Variants in DSG3 observed in about 807,000 individuals in gnomAD.
DSG3 encodes desmoglein 3.
In DSG3, 63 loss-of-function variants were observed where a neutral mutation model predicts 85.9. The observed-to-expected ratio is 0.73, with a 90% CI of 0.60 to 0.90. DSG3 has a LOEUF of 0.90. Among genes scored for constraint, DSG3 ranks in the 40% least tolerant of loss-of-function variants. The pLI is 0.00. For synonymous variants in DSG3, 447 were observed against 441.9 expected (o/e 1.01, Z -0.14); for missense variants, 1,220 against 1,219.9 (o/e 1.00, Z 0.00).
At chr18:31,462,283 G>C (rs1322957637) in intron 8 of DSG3, among the ~76,000 whole-genome samples, 4 of 152,116 alleles carry the variant, frequency 2.6e-5, no homozygotes, top group African/African-American at 4.8e-5. Context: ...TATTGACCAG[G>C]CTGGTCTCGA....
chr18:31,466,045 C>A (rs2072816429), intron 10 of DSG3, among the ~76,000 whole-genome samples: 1 of 151,828 alleles, frequency 6.6e-6, no homozygotes, highest in South Asian at 2.1e-4. Flanking sequence ...CATAATGCCC[C>A]CACAGAGAGA....
At chr18:31,448,614 G>T (rs2072692754) in intron 1 of DSG3, among the ~76,000 whole-genome samples, 1 of 148,110 alleles carries the variant, frequency 6.8e-6, no homozygotes, top group Non-Finnish European at 1.5e-5. Context: ...TTAAAACCTG[G>T]ATGTTACAGA....
intron 4 of DSG3, 24 bp from the exon 5 acceptor site, chr18:31,459,009 T>C (rs2072766694): frequency 6.2e-7 from 1 of 1,611,278 alleles, no homozygotes; most frequent in Admixed American, 1.7e-5. Flanking sequence ...AGAGTAATAC[T>C]CCACATTTTC....
intron 2 of DSG3, 112 bp downstream of exon 2, chr18:31,456,587 A>G: frequency 1.9e-6 from 1 of 517,762 alleles, no homozygotes; most frequent in East Asian, 3.8e-5. Flanking sequence ...CAATAATTTA[A>G]TTGTGAAAAT....
chr18:31,454,923 G>A (rs1384310875), intron 1 of DSG3, among the ~76,000 whole-genome samples: 2 of 151,428 alleles, frequency 1.3e-5, no homozygotes, highest in African/African-American at 4.8e-5. Flanking sequence ...CCTTGAACCC[G>A]GGAGACGAAG....
At position 31,460,890 on chromosome 18, in the gene DSG3, T is replaced by C. The variant is rs2072780142; in HGVS notation, c.742T>C (p.Ser248Pro). The change falls in exon 7 of 16, where the codon TCA (serine) becomes CCA (proline). Residue 248 changes from serine to proline, a missense_variant. Ser to Pro is a moderately conservative substitution (Grantham distance 74). Transcript: ENST00000257189. The stretch of plus-strand genomic sequence containing the variant: ...TGCAGACAAAGATGGAGAAGGACTA[T>C]CAACTCAATGTGAATGTAATATTAA... ...SGADKDGEGL[S>P]TQCECNIKVK... 1 of 1,604,700 alleles carries C rather than the reference T, an allele frequency of 6.2e-7. No individual in the cohort carries two copies. The highest frequency in any genetic ancestry group is 8.5e-7 in the Non-Finnish European group (1 of 1,177,302).
chr18:31,466,764 A>G lies in DSG3; in HGVS notation c.1636+10A>G. 4 of 1,610,414 alleles carry G rather than the reference A, an allele frequency of 2.5e-6. No individual in the cohort carries two copies. Among genetic ancestry groups the G allele is most frequent in the Non-Finnish European group, 3.4e-6 (4 of 1,176,984 alleles). ...ATCACAACCCTCAATGGTGAGTAAC[A>G]GTAAAGTTGCTTCTATAAATGCAAA... On this transcript the variant is annotated intron_variant, in intron 11 of 15. Transcript: ENST00000257189.
Position 31,456,896 on chromosome 18 carries a change from A to G in DSG3, c.85-97A>G, listed in dbSNP as rs1172469298. ...ATACCTAACAGTCTTAGTGATCTTGAAACATAGGGGGTTCCTCAACTAGGT... is the reference window on the plus strand; with the variant it reads ...ATACCTAACAGTCTTAGTGATCTTGGAACATAGGGGGTTCCTCAACTAGGT... On this transcript the variant is annotated intron_variant, in intron 2 of 15. Coordinates refer to ENST00000257189, the MANE Select transcript of DSG3 (RefSeq NM_001944.3). 2.3e-6 allele frequency: 3 copies of G among 1,282,052 alleles called. No homozygotes were observed. In the East Asian group the frequency reaches 7.2e-5, roughly 31 times the overall value. The allele number at this position is 1,282,052 out of a possible 1,614,324, so 79.4% of individuals were successfully genotyped here. A position where few individuals can be genotyped will look rare whatever the true frequency, so the allele number is the denominator to read the frequency against.
intron 4 of DSG3, 129 bp from the exon 5 acceptor site, chr18:31,458,903 AC>A: frequency 8.3e-7 from 1 of 1,207,236 alleles, no homozygotes; most frequent in African/African-American, 1.6e-5. Flanking sequence ...CACTTTGTCT[AC>A]CCTTTGGGGA....
chr18:31,465,772 C>G (rs1209272226), intron 10 of DSG3, among the ~76,000 whole-genome samples: 1 of 152,166 alleles, frequency 6.6e-6, no homozygotes, highest in Non-Finnish European at 1.5e-5. Flanking sequence ...CAAAGCGCAT[C>G]AGGGAATCTC....
intron 1 of DSG3, among the ~76,000 whole-genome samples, chr18:31,452,830 T>C (rs1005705600): frequency 1.3e-5 from 2 of 152,192 alleles, no homozygotes; most frequent in African/African-American, 4.8e-5. Context: ...CAATTTTATA[T>C]TATCATACTT....
Position 31,474,349 on chromosome 18 carries a change from A to G in DSG3, c.2330A>G (p.Lys777Arg). The change falls in exon 15 of 16, where the codon AAG (lysine) becomes AGG (arginine). Residue 777 changes from lysine (K) to arginine (R), a missense_variant. Lys to Arg is a conservative substitution (Grantham distance 26). Transcript: ENST00000257189. ...AGGCATTCCACTGGAGGAACCAATA[A>G]GGACTACGCTGATGGGGCGATAAGC... is the stretch of plus-strand genomic sequence containing the variant. ...RTRHSTGGTNKDYADGAISMN... is the reference protein window; with the variant it reads ...RTRHSTGGTNRDYADGAISMN... The G allele has an allele frequency of 6.2e-7, 1 of 1,614,200 alleles. No homozygotes were observed. The highest frequency in any genetic ancestry group is 1.1e-5 in the South Asian group (1 of 91,082).
chr18:31,474,344 C>G lies in DSG3; in HGVS notation c.2325C>G (p.Thr775=). 6.2e-7 allele frequency: 1 copy of G among 1,614,138 alleles called. No homozygotes were observed. The highest frequency in any genetic ancestry group is 1.7e-5 in the Admixed American group (1 of 60,022). Residue 775 remains threonine, a synonymous_variant, in exon 15 of 16, where the codon ACC becomes ACG. Transcript: ENST00000257189. ...GAACAAGGCATTCCACTGGAGGAAC[C>G]AATAAGGACTACGCTGATGGGGCGA... ...TMRTRHSTGG[T]NKDYADGAIS...
intron 7 of DSG3, 119 bp from the exon 8 acceptor site, chr18:31,461,108 C>A: frequency 8.1e-7 from 1 of 1,230,636 alleles, no homozygotes; most frequent in Non-Finnish European, 1.1e-6. Flanking sequence ...TATAAGAATT[C>A]AGTAATAAGA....
At chr18:31,448,804 A>G (rs2072694159) in intron 1 of DSG3, among the ~76,000 whole-genome samples, 2 of 149,118 alleles carry the variant, frequency 1.3e-5, no homozygotes, top group South Asian at 4.5e-4. Context: ...GCATCAATTT[A>G]CCTCATTTCT....
chr18:31,474,869 T>C (rs7233484), intron 15 of DSG3, among the ~76,000 whole-genome samples: 17,893 of 152,258 alleles, frequency 0.12, 1,069 homozygotes, highest in African/African-American at 0.15. Flanking sequence ...GCAAATCTCT[T>C]TTATGTGAGA....
rs1449952025 is a variant in DSG3, at chr18:31,477,384, C to T, written c.*1124C>T. 6.6e-6 allele frequency: 1 copy of T among 152,048 alleles called. No homozygotes were observed. Among genetic ancestry groups the T allele is most frequent in the Non-Finnish European group, 1.5e-5 (1 of 68,018 alleles). 9.4% of individuals were successfully genotyped at this position (152,048 alleles called of 1,614,324 possible). ...GTAGCATACATATGATGTATAATGA[C>T]GTGTATTATGTTAACAATGTCTGCA... On this transcript the variant is annotated 3_prime_UTR_variant, in exon 16 of 16. Coordinates refer to ENST00000257189, the MANE Select transcript of DSG3 (RefSeq NM_001944.3).
intron 8 of DSG3, among the ~76,000 whole-genome samples, chr18:31,462,307 A>C (rs1324956740): frequency 6.6e-6 from 1 of 152,074 alleles, no homozygotes; most frequent in East Asian, 1.9e-4. Flanking sequence ...CCTGATCTCA[A>C]GTGATCCACC....
chr18:31,475,656 C>T lies in DSG3; in HGVS notation c.2396C>T (p.Ala799Val), dbSNP rs1410814310. 1 of 1,613,626 alleles carries T rather than the reference C, an allele frequency of 6.2e-7. No homozygotes were observed. The highest frequency in any genetic ancestry group is 1.7e-5 in the Admixed American group (1 of 59,964). ...TTTTCTCTGTCTTAGAAAGCATTTG[C>T]CTGTGCGGAGGAAGACGATGGCCAG... ...LDSYFSQKAF[A>V]CAEEDDGQEA... The change falls in exon 16 of 16, where the codon GCC becomes GTC. Residue 799 changes from alanine (A) to valine (V), a missense_variant. Physicochemically the swap from Ala to Val is moderately conservative, Grantham distance 64. Transcript: ENST00000257189.
Sources: gnomAD v4.1 joint callset for allele counts (sites outside exome capture counted in the v4.1 genomes callset) on GRCh38, gnomAD v4.1.1 for gene constraint, MANE v1.5 for transcripts, NCBI Gene and HGNC (gene_info 2026-07-23, HGNC 2026-07-21) for gene names.